AP3B2: variants seen among roughly 807,000 people sequenced by gnomAD.
The protein encoded by AP3B2 is AP-3 complex subunit beta-2.
AP3B2 carries 50 observed loss-of-function variants against 126.9 expected under a neutral mutation model. The ratio of observed to expected loss-of-function variants is 0.39; its 90% CI spans 0.31 to 0.50. The LOEUF (loss-of-function observed/expected upper bound fraction) is 0.50. Among genes scored for constraint, AP3B2 ranks in the 20% least tolerant of loss-of-function variants. The pLI, the probability that AP3B2 is intolerant of heterozygous loss-of-function variation, is 0.79. For synonymous variants in AP3B2, 541 were observed against 565.0 expected (o/e 0.96, Z 0.60); for missense variants, 1,177 against 1,426.4 (o/e 0.83, Z 2.82).
intron 3 of AP3B2, 69 bp downstream of exon 3, chr15:82,689,089 C>T: frequency 1.3e-6 from 2 of 1,566,974 alleles, no homozygotes; most frequent in Non-Finnish European, 1.8e-6. Context: ...CATTTCCTTC[C>T]TCACCCCAAG....
intron 1 of AP3B2, among the ~76,000 whole-genome samples, chr15:82,693,316 G>A (rs950385435): frequency 2.7e-5 from 4 of 150,742 alleles, no homozygotes; most frequent in African/African-American, 4.9e-5. Context: ...GCACGATCTC[G>A]GGTCACTGAA....
At chr15:82,688,949 G>T in intron 3 of AP3B2, 118 bp from the exon 4 acceptor site, 1 of 1,049,252 alleles carries the variant, frequency 9.5e-7, no homozygotes, top group Non-Finnish European at 1.4e-6. Context: ...AACTCTCCCA[G>T]TGGGGGAGAG....
chr15:82,680,075 T>C lies in AP3B2; in HGVS notation c.1110+100A>G. The C allele has an allele frequency of 6.7e-7, 1 of 1,499,742 alleles. No homozygotes were observed. The highest frequency in any genetic ancestry group is 9.1e-7 in the Non-Finnish European group (1 of 1,100,540). 92.9% of individuals were successfully genotyped at this position (1,499,742 alleles called of 1,614,324 possible). On this transcript the variant is annotated intron_variant, in intron 9 of 26. Coordinates refer to ENST00000535359, the MANE Select transcript of AP3B2 (RefSeq NM_001278512.2). This position sits in a 1 kb window ranked among gnomAD's most constrained non-coding sequence, Gnocchi z 6.1. ...TCTGCACAGCCAGGGTATTCCTCCA[T>C]CTTCCCTTTCCCCGGCCCCGGTCCC...
chr15:82,706,105 C>T (rs901927252), intron 1 of AP3B2, among the ~76,000 whole-genome samples: 1 of 152,190 alleles, frequency 6.6e-6, no homozygotes, highest in East Asian at 1.9e-4. Flanking sequence ...GCCCTCATGT[C>T]TGCGTGCAGC....
intron 10 of AP3B2, among the ~76,000 whole-genome samples, chr15:82,679,090 T>C (rs566116978): frequency 6.6e-6 from 1 of 152,290 alleles, no homozygotes; most frequent in Admixed American, 6.5e-5. Flanking sequence ...AGCAGAATTA[T>C]GTGACCTGGG....
intron 4 of AP3B2, chr15:82,687,466 C>T (rs1395128346): frequency 6.6e-6 from 1 of 152,200 alleles, no homozygotes; most frequent in African/African-American, 2.4e-5. Flanking sequence ...ATCTGTACAA[C>T]AATTTCAGAT....
At chr15:82,679,325 T>C (rs1320423626) in intron 10 of AP3B2, among the ~76,000 whole-genome samples, 1 of 152,196 alleles carries the variant, frequency 6.6e-6, no homozygotes, top group Non-Finnish European at 1.5e-5. Context: ...GGTTTTGCTA[T>C]GTTGGCCAGG....
rs781408176 is a variant in AP3B2 at position 82,665,221 on chromosome 15, G to C, written c.2028+26C>G. On this transcript the variant is annotated intron_variant, in intron 17 of 26. Coordinates refer to ENST00000535359, the MANE Select transcript of AP3B2 (RefSeq NM_001278512.2). The surrounding 1 kb of genome is among the most constrained non-coding windows in gnomAD (Gnocchi z 4.4). The stretch of plus-strand genomic sequence containing the variant: ...AGGGACACAGACAGGGCAGGGGAGA[G>C]AGCACACGTCACACGAAGGTGGGAC... The C allele has an allele frequency of 5.9e-6, 9 of 1,535,318 alleles. No homozygotes were observed. The highest frequency in any genetic ancestry group is 3.9e-5 in the Admixed American group (2 of 51,034).
At chr15:82,678,256 AAAC>A in intron 10 of AP3B2, 89 bp from the exon 11 acceptor site, 1 of 1,255,248 alleles carries the variant, frequency 8.0e-7, no homozygotes, top group Non-Finnish European at 1.2e-6. Context: ...ATAGACCAGA[AAAC>A]AATCCTCATG....
intron 15 of AP3B2, among the ~76,000 whole-genome samples, chr15:82,666,493 TGA>T (rs1444518395): frequency 1.3e-5 from 2 of 152,110 alleles, no homozygotes; most frequent in Non-Finnish European, 2.9e-5. Context: ...AAAGGGAGCC[TGA>T]GAGGAGAGGA....
At chr15:82,662,292 A>G in intron 23 of AP3B2, 40 bp from the exon 24 acceptor site, 1 of 1,465,374 alleles carries the variant, frequency 6.8e-7, no homozygotes, top group South Asian at 1.2e-5. Flanking sequence ...AGGGAGGGCC[A>G]CCATCACCTG....
At chr15:82,683,042 C>A in intron 4 of AP3B2, among the ~76,000 whole-genome samples, 1 of 119,604 alleles carries the variant, frequency 8.4e-6, no homozygotes, top group African/African-American at 2.9e-5. Flanking sequence ...GCATCTGCAC[C>A]AGGAGTTTTT....
intron 14 of AP3B2, among the ~76,000 whole-genome samples, chr15:82,675,879 A>C (rs1233799305): frequency 6.6e-6 from 1 of 152,164 alleles, no homozygotes; most frequent in Non-Finnish European, 1.5e-5. Flanking sequence ...TTTTAGGAGA[A>C]TCTCCTGGAA....
chr15:82,708,298 T>C (rs1008465675), intron 1 of AP3B2, among the ~76,000 whole-genome samples: 4 of 150,140 alleles, frequency 2.7e-5, no homozygotes, highest in African/African-American at 9.9e-5. Context: ...CCCATTTCCC[T>C]TCGCTGACTC....
chr15:82,669,055 C>T (rs2048105915), intron 14 of AP3B2, among the ~76,000 whole-genome samples: 1 of 152,158 alleles, frequency 6.6e-6, no homozygotes, highest in Non-Finnish European at 1.5e-5. Flanking sequence ...AAGGTCTTCC[C>T]CACCAGTAGC....
chr15:82,707,778 A>G (rs894403719), intron 1 of AP3B2, among the ~76,000 whole-genome samples: 2 of 152,128 alleles, frequency 1.3e-5, no homozygotes, highest in African/African-American at 4.8e-5. Context: ...CCAGGCCATC[A>G]CCAATAATCC....
intron 14 of AP3B2, 97 bp downstream of exon 14, chr15:82,676,364 A>C: frequency 1.6e-6 from 2 of 1,280,092 alleles, no homozygotes; most frequent in Non-Finnish European, 2.2e-6. Flanking sequence ...CCAAAATAGG[A>C]GCTAGAGTTC....
Position 82,678,149 on chromosome 15 carries a change from G to A in AP3B2, c.1201C>T (p.Leu401=), listed in dbSNP as rs1316305451. 6.2e-7 allele frequency: 1 copy of A among 1,613,930 alleles called. No homozygotes were observed. The highest frequency in any genetic ancestry group is 1.7e-5 in the Admixed American group (1 of 60,018). Residue 401 remains leucine (L), a synonymous_variant, in exon 11 of 27, where the codon CTG becomes TTG. Transcript: ENST00000535359. Reference sequence around the variant, plus strand: ...GTAGGAATGTTGGTCTCATTGGCCAGGTTGGTCAGCACTTCCAGCTGCAGG... The same window carrying A: ...GTAGGAATGTTGGTCTCATTGGCCAAGTTGGTCAGCACTTCCAGCTGCAGG... The part of the protein sequence containing the change: ...KILKLEVLTN[L]ANETNIPTVL...
chr15:82,692,185 C>T lies in AP3B2; in HGVS notation c.114-2732G>A, dbSNP rs1052369106. 5 of 1,454,472 alleles carry T rather than the reference C, an allele frequency of 3.4e-6. 1 individual carries two copies. The African/African-American group carries it at 4.3e-5, about 12-fold the overall frequency. 90.1% of individuals were successfully genotyped at this position (1,454,472 alleles called of 1,614,324 possible). ...TAACTATTTCTTCCATAAATAGCATCCTCTGCATCTCGGGGGTCCTCAAAG... is the reference window on the plus strand; with the variant it reads ...TAACTATTTCTTCCATAAATAGCATTCTCTGCATCTCGGGGGTCCTCAAAG... On this transcript the variant is annotated intron_variant, in intron 1 of 26. Transcript: ENST00000535359.
Sources: gnomAD v4.1 joint callset for allele counts (sites outside exome capture counted in the v4.1 genomes callset) on GRCh38, gnomAD v4.1.1 for gene constraint, Gnocchi (gnomAD v3.1) non-coding constraint, MANE v1.5 for transcripts, NCBI Gene and HGNC (gene_info 2026-07-23, HGNC 2026-07-21) for gene names.